C1orf87: variants seen among roughly 807,000 people sequenced by gnomAD.
The protein encoded by C1orf87 is uncharacterized protein C1orf87.
A neutral mutation model predicts 60.5 loss-of-function variants in C1orf87; 58 were observed. The observed-to-expected ratio is 0.96, with a 90% confidence interval of 0.78 to 1.19. C1orf87 has a LOEUF of 1.19. Among genes scored for constraint, C1orf87 ranks in the 50% most tolerant of loss-of-function variants. C1orf87 has a pLI of 0.00. For missense variants in C1orf87, 673 were observed against 638.6 expected (o/e 1.05, Z -0.58); for synonymous variants, 236 against 227.4 (o/e 1.04, Z -0.34).
Position 59,990,519 on chromosome 1 carries a change from C to A in C1orf87, c.*154G>T, listed in dbSNP as rs1370331572. 2 of 923,342 alleles carry A rather than the reference C, an allele frequency of 2.2e-6. No individual in the cohort carries two copies. Among genetic ancestry groups the A allele is most frequent in the Non-Finnish European group, 3.2e-6 (2 of 615,904 alleles). 57.2% of individuals were successfully genotyped at this position (923,342 alleles called of 1,614,324 possible). On this transcript the variant is annotated 3_prime_UTR_variant, in exon 12 of 12. Transcript: ENST00000371201. ...ACTGCTTATGAGTGAGCATCATAGC[C>A]AGAAACTAAGTCCAAATCAAAAGCA...
Position 60,072,580 on chromosome 1 carries a change from T to G in C1orf87, c.64A>C (p.Ile22Leu). 6.2e-7 allele frequency: 1 copy of G among 1,613,294 alleles called. No homozygotes were observed. The highest frequency in any genetic ancestry group is 8.5e-7 in the Non-Finnish European group (1 of 1,179,940). The part of the protein sequence containing the change: ...DAMPEIMVKI[I>L]GSKHFQYLVE... ...AGGTATTGAAAGTGTTTACTTCCAA[T>G]GATTTTCACCATGATCTCAGGCATT... The change falls in exon 2 of 12, where the codon ATT (isoleucine) becomes CTT (leucine). Residue 22 changes from isoleucine (I) to leucine (L), a missense_variant. By Grantham distance (5) the Ile-to-Leu change is conservative. Coordinates refer to ENST00000371201, the MANE Select transcript of C1orf87 (RefSeq NM_152377.3).
At position 60,025,650 on chromosome 1, in the gene C1orf87, G is replaced by C. The variant is rs572817342; in HGVS notation, c.1030-152C>G. The C allele has an allele frequency of 9.3e-4, 564 of 606,730 alleles. 2 individuals are homozygous for C. The highest frequency in any genetic ancestry group is 1.4e-3 in the Middle Eastern group (3 of 2,190). 37.6% of individuals were successfully genotyped at this position (606,730 alleles called of 1,614,324 possible). On this transcript the variant is annotated intron_variant, in intron 7 of 11. Coordinates refer to ENST00000371201, the MANE Select transcript of C1orf87 (RefSeq NM_152377.3). ...ACCCAGGAGTACATTCTACCATTGA[G>C]GTATCCTTCAGGATACCATTTAGGA... is the stretch of plus-strand genomic sequence containing the variant.
chr1:60,037,000 G>A (rs1177645454), intron 6 of C1orf87, among the ~76,000 whole-genome samples: 3 of 152,114 alleles, frequency 2.0e-5, no homozygotes, highest in Non-Finnish European at 4.4e-5. Context: ...TTTTCACACA[G>A]CAACCTCATA....
At chr1:60,015,882 G>C (rs1316073332) in intron 8 of C1orf87, among the ~76,000 whole-genome samples, 1 of 152,170 alleles carries the variant, frequency 6.6e-6, no homozygotes, top group Non-Finnish European at 1.5e-5. Context: ...CTCCAGAGTA[G>C]CTGAGACTGG....
At chr1:60,055,540 A>G in intron 2 of C1orf87, 102 bp from the exon 3 acceptor site, 2 of 937,052 alleles carry the variant, frequency 2.1e-6, no homozygotes, top group Non-Finnish European at 3.3e-6. Context: ...GAACAGTAGA[A>G]ACTCAGCACA....
At chr1:60,000,239 A>G (rs1644992979) in intron 10 of C1orf87, among the ~76,000 whole-genome samples, 1 of 152,186 alleles carries the variant, frequency 6.6e-6, no homozygotes, top group Admixed American at 6.5e-5. Context: ...GGGACAATCA[A>G]TTCCGTTTGT....
chr1:60,005,278 G>A (rs533564893), intron 9 of C1orf87, among the ~76,000 whole-genome samples: 7 of 152,164 alleles, frequency 4.6e-5, no homozygotes, highest in East Asian at 1.9e-4. Flanking sequence ...GCAGGGTTAC[G>A]TCTGTGGCTT....
chr1:60,009,584 A>C (rs1009391663), intron 9 of C1orf87, among the ~76,000 whole-genome samples: 1 of 151,960 alleles, frequency 6.6e-6, no homozygotes, highest in Non-Finnish European at 1.5e-5. Context: ...AAAGTTTCTT[A>C]GGTTTTTCCA....
chr1:60,060,799 T>A (rs7541848), intron 2 of C1orf87, among the ~76,000 whole-genome samples: 1 of 152,158 alleles, frequency 6.6e-6, no homozygotes, highest in Admixed American at 6.5e-5. Flanking sequence ...TGCATCACGA[T>A]GTCCTCAGGT....
At chr1:60,039,808 G>A in intron 5 of C1orf87, 109 bp downstream of exon 5, 1 of 1,235,196 alleles carries the variant, frequency 8.1e-7, no homozygotes, top group Non-Finnish European at 1.1e-6. Flanking sequence ...AGTAGTCAGG[G>A]ATAAAAGTTA....
chr1:60,006,024 C>A (rs1402160591), intron 9 of C1orf87, among the ~76,000 whole-genome samples: 2 of 152,000 alleles, frequency 1.3e-5, no homozygotes, highest in Non-Finnish European at 2.9e-5. Flanking sequence ...GGCCATAAAA[C>A]TCAATCTGAG....
rs112532335 is a variant in C1orf87, at chr1:60,041,065, G to T, written c.409C>A (p.His137Asn). ...CTAAGCTTTCTCCTGGGAATGCCAT[G>T]CACATAGGATAAGGACTGGTCTCCG... ...PTGDQSLSYV[H>N]GIPRRKLRDW... Residue 137 changes from histidine to asparagine, a missense_variant, in exon 4 of 12, where the codon CAT (histidine) becomes AAT (asparagine). Coordinates refer to ENST00000371201, the MANE Select transcript of C1orf87 (RefSeq NM_152377.3). 8.1e-6 allele frequency: 13 copies of T among 1,613,430 alleles called. No individual in the cohort carries two copies. In the African/African-American group the frequency reaches 1.1e-4, roughly 13 times the overall value.
intron 11 of C1orf87, among the ~76,000 whole-genome samples, chr1:59,992,224 C>CTATTTATTTATTTATT (rs71582609): frequency 7.0e-6 from 1 of 143,550 alleles, no homozygotes; most frequent in Non-Finnish European, 1.5e-5. Flanking sequence ...AAGTAGGGGT[C>CTATTTATTTATTTATT]TATTTATTTA....
chr1:60,050,035 A>G (rs1223151376), intron 3 of C1orf87, among the ~76,000 whole-genome samples: 1 of 152,106 alleles, frequency 6.6e-6, no homozygotes, highest in East Asian at 1.9e-4. Context: ...TGGTAATGGT[A>G]TCTTACCCAT....
intron 8 of C1orf87, among the ~76,000 whole-genome samples, chr1:60,020,059 T>C (rs1301839660): frequency 1.3e-5 from 2 of 152,202 alleles, no homozygotes; most frequent in Non-Finnish European, 1.5e-5. Context: ...TGAGGAGCTA[T>C]ATATTAATAG....
chr1:60,032,597 C>G (rs1196696055), intron 7 of C1orf87, among the ~76,000 whole-genome samples: 2 of 151,928 alleles, frequency 1.3e-5, no homozygotes, highest in African/African-American at 2.4e-5. Flanking sequence ...ACCACCATAC[C>G]TGGCTAATTT....
intron 6 of C1orf87, 106 bp downstream of exon 6, chr1:60,037,885 AC>A: frequency 1.7e-6 from 1 of 594,938 alleles, no homozygotes; most frequent in South Asian, 3.5e-5. Flanking sequence ...TGTGATTCAT[AC>A]ATTTATATTC....
chr1:60,067,555 A>G (rs1645555604), intron 2 of C1orf87, among the ~76,000 whole-genome samples: 1 of 77,088 alleles, frequency 1.3e-5, no homozygotes, highest in African/African-American at 4.4e-5. Flanking sequence ...CCACTTTTTG[A>G]TGGGGTTTTT....
At chr1:60,031,454 A>G (rs1645237442) in intron 7 of C1orf87, among the ~76,000 whole-genome samples, 1 of 152,180 alleles carries the variant, frequency 6.6e-6, no homozygotes, top group South Asian at 2.1e-4. Context: ...AAGAACATTC[A>G]AGATTCAAGG....
Sources: gnomAD v4.1 joint callset for allele counts (sites outside exome capture counted in the v4.1 genomes callset) on GRCh38, gnomAD v4.1.1 for gene constraint, MANE v1.5 for transcripts, NCBI Gene and HGNC (gene_info 2026-07-23, HGNC 2026-07-21) for gene names.